Variants in PRKCH observed in about 807,000 individuals in gnomAD.
PRKCH encodes protein kinase C eta type.
A neutral mutation model predicts 82.5 loss-of-function variants in PRKCH; 28 were observed. The observed-to-expected ratio is 0.34, with a 90% CI of 0.25 to 0.47. The LOEUF is 0.47. Ranked by LOEUF, PRKCH falls within the 20% of genes least tolerant of loss-of-function variation. The probability of loss-of-function intolerance (pLI) is 1.00; values close to 1 mark genes in which losing one functional copy is unlikely to be tolerated. For missense variants in PRKCH, 705 were observed against 881.8 expected (o/e 0.80, Z 2.54); for synonymous variants, 322 against 327.4 (o/e 0.98, Z 0.18).
chr14:61,500,304 C>T (rs1886847533), intron 10 of PRKCH, among the ~76,000 whole-genome samples: 1 of 151,850 alleles, frequency 6.6e-6, no homozygotes, highest in Non-Finnish European at 1.5e-5. Flanking sequence ...CTCAAACCAT[C>T]CTCCCACCTC....
chr14:61,345,820 C>A (rs2045984836), intron 1 of PRKCH, among the ~76,000 whole-genome samples: 1 of 151,008 alleles, frequency 6.6e-6, no homozygotes, highest in Admixed American at 6.6e-5. Context: ...AGGAGGATTG[C>A]TTGAGCCCAG....
chr14:61,354,967 A>G (rs2046130298), intron 1 of PRKCH, among the ~76,000 whole-genome samples: 1 of 152,252 alleles, frequency 6.6e-6, no homozygotes, highest in Admixed American at 6.5e-5. Flanking sequence ...TACTTGCATA[A>G]ATGAATTAGA....
At position 61,339,473 on chromosome 14, in the gene PRKCH, A is replaced by G. The variant is rs530416570; in HGVS notation, c.363+17009A>G. Among the ~76,000 whole-genome samples the G allele has an allele frequency of 7.6e-3, 1,136 of 148,970 alleles. 9 individuals carry two copies. The highest frequency in any genetic ancestry group is 0.025 in the African/African-American group (1,031 of 40,504). ...CGAGTAGCTGGGACTACAGGCGCCC[A>G]CCACCACGCCCGGCTAATTTTTTGT... On this transcript the variant is annotated intron_variant, in intron 1 of 13. Coordinates refer to ENST00000332981, the MANE Select transcript of PRKCH (RefSeq NM_006255.5).
intron 10 of PRKCH, among the ~76,000 whole-genome samples, chr14:61,518,465 A>G (rs1237361543): frequency 6.6e-6 from 1 of 152,138 alleles, no homozygotes; most frequent in African/African-American, 2.4e-5. Flanking sequence ...AAAAAGAAAA[A>G]AAATTATGAG....
chr14:61,416,649 C>T (rs551006172), intron 2 of PRKCH, among the ~76,000 whole-genome samples: 88 of 152,196 alleles, frequency 5.8e-4, no homozygotes, highest in African/African-American at 2.0e-3. Context: ...TCCCTCCTCT[C>T]TCTTTCCTCT....
At chr14:61,235,884 T>C (rs1038434661) in intron 1 of PRKCH, among the ~76,000 whole-genome samples, 1 of 152,068 alleles carries the variant, frequency 6.6e-6, no homozygotes, top group Non-Finnish European at 1.5e-5. Flanking sequence ...GAGTGTAAAC[T>C]AAAAATAAAA....
At chr14:61,253,368 A>C (rs774915823) in intron 1 of PRKCH, among the ~76,000 whole-genome samples, 36 of 152,232 alleles carry the variant, frequency 2.4e-4, no homozygotes, top group Non-Finnish European at 4.0e-4. Flanking sequence ...GATGGACTTC[A>C]AGACTGAGTT....
chr14:61,490,124 C>T (rs1228064040), intron 10 of PRKCH, among the ~76,000 whole-genome samples: 4 of 152,146 alleles, frequency 2.6e-5, no homozygotes, highest in African/African-American at 7.2e-5. Flanking sequence ...ATGCTGGGTG[C>T]ACGGTAATTA....
chr14:61,240,914 G>C (rs902626100), intron 1 of PRKCH, among the ~76,000 whole-genome samples: 1 of 151,090 alleles, frequency 6.6e-6, no homozygotes, highest in African/African-American at 2.4e-5. Flanking sequence ...AAATGTGTGA[G>C]GTTTTTTCCC....
At chr14:61,466,772 G>C (rs905477118) in intron 9 of PRKCH, among the ~76,000 whole-genome samples, 1 of 152,152 alleles carries the variant, frequency 6.6e-6, no homozygotes, top group Admixed American at 6.5e-5. Context: ...AGGACGCTCC[G>C]ATGCCGGTCG....
intron 2 of PRKCH, among the ~76,000 whole-genome samples, chr14:61,421,460 A>C (rs188847972): frequency 2.2e-3 from 328 of 152,198 alleles, no homozygotes; most frequent in Non-Finnish European, 4.1e-3. Context: ...ATCTTGAGAG[A>C]ATTTATGAAA....
intron 2 of PRKCH, among the ~76,000 whole-genome samples, chr14:61,394,456 A>G (rs2046739543): frequency 6.6e-6 from 1 of 152,214 alleles, no homozygotes; most frequent in South Asian, 2.1e-4. Flanking sequence ...AACATGGATC[A>G]GCTATGGTAG....
chr14:61,516,889 A>C (rs2042836717), intron 10 of PRKCH, among the ~76,000 whole-genome samples: 1 of 152,196 alleles, frequency 6.6e-6, no homozygotes, highest in Non-Finnish European at 1.5e-5. Context: ...TAGAGAACCA[A>C]GCAATATCAT....
At chr14:61,414,778 C>T (rs1195280666) in intron 2 of PRKCH, among the ~76,000 whole-genome samples, 1 of 152,030 alleles carries the variant, frequency 6.6e-6, no homozygotes, top group Non-Finnish European at 1.5e-5. Flanking sequence ...TGTGCCTGGC[C>T]CATTTAATCT....
At chr14:61,430,705 G>T (rs1384319540) in intron 2 of PRKCH, among the ~76,000 whole-genome samples, 2 of 151,612 alleles carry the variant, frequency 1.3e-5, no homozygotes, top group African/African-American at 4.8e-5. Flanking sequence ...TTGCACCAGG[G>T]AAAGCAGACT....
At chr14:61,426,250 C>T (rs189636725) in intron 2 of PRKCH, among the ~76,000 whole-genome samples, 299 of 152,304 alleles carry the variant, frequency 2.0e-3, no homozygotes, top group African/African-American at 5.6e-3. Context: ...ATTTACATGT[C>T]GCTGCTTGTT....
chr14:61,299,039 C>A (rs991922616), intron 1 of PRKCH, among the ~76,000 whole-genome samples: 1 of 152,122 alleles, frequency 6.6e-6, no homozygotes, highest in South Asian at 2.1e-4. Context: ...GTCACTTCTC[C>A]CTTGATTCTT....
chr14:61,548,201 T>G (rs1721508523), intron 13 of PRKCH, among the ~76,000 whole-genome samples: 1 of 152,390 alleles, frequency 6.6e-6, no homozygotes, highest in African/African-American at 2.4e-5. Context: ...AGAGTTTGGC[T>G]AATTGAGAAA....
chr14:61,229,723 C>T (rs1026089207), intron 1 of PRKCH, among the ~76,000 whole-genome samples: 3 of 152,082 alleles, frequency 2.0e-5, no homozygotes, highest in Non-Finnish European at 2.9e-5. Context: ...AAATTGTCCC[C>T]GACACCCCAC....
Sources: gnomAD v4.1 joint callset for allele counts (sites outside exome capture counted in the v4.1 genomes callset) on GRCh38, gnomAD v4.1.1 for gene constraint, MANE v1.5 for transcripts, NCBI Gene and HGNC (gene_info 2026-07-23, HGNC 2026-07-21) for gene names.